KIF21B: variants seen among roughly 807,000 people sequenced by gnomAD.
KIF21B encodes the protein kinesin family member 21B.
Under a neutral mutation model 192.9 loss-of-function variants are expected in KIF21B, and 85 were observed. That is an observed-to-expected ratio of 0.44 (90% CI 0.37 to 0.53). The LOEUF is 0.53. KIF21B is among the 20% of genes least tolerant of loss of function. The pLI, the probability that KIF21B is intolerant of heterozygous loss-of-function variation, is 0.00. For synonymous variants in KIF21B, 832 were observed against 884.6 expected (o/e 0.94, Z 1.05); for missense variants, 1,716 against 2,194.8 (o/e 0.78, Z 4.36).
chr1:200,970,537 A>G lies in KIF21B; in HGVS notation c.*2984T>C, dbSNP rs1264189240. The G allele has an allele frequency of 6.6e-6, 1 of 152,464 alleles. No individual in the cohort carries two copies. Among genetic ancestry groups the G allele is most frequent in the Non-Finnish European group, 1.5e-5 (1 of 68,082 alleles). The allele number at this position is 152,464 out of a possible 1,614,324, so 9.4% of individuals were successfully genotyped here. Reference sequence around the variant, plus strand: ...TGCCTTTGAGAGTTCTGGCTGCTTCAGAAGAGTCCGCCACTCACGTGAAAG... The same window carrying G: ...TGCCTTTGAGAGTTCTGGCTGCTTCGGAAGAGTCCGCCACTCACGTGAAAG... On this transcript the variant is annotated 3_prime_UTR_variant, in exon 35 of 35. Transcript: ENST00000461742.
At chr1:200,997,144 CT>C (rs1427582380) in intron 14 of KIF21B, among the ~76,000 whole-genome samples, 2 of 152,216 alleles carry the variant, frequency 1.3e-5, no homozygotes, top group Non-Finnish European at 2.9e-5. Flanking sequence ...CCAGAGTAGT[CT>C]TTTAAAAATG....
At chr1:201,015,124 A>G (rs2102475826) in intron 1 of KIF21B, among the ~76,000 whole-genome samples, 1 of 152,346 alleles carries the variant, frequency 6.6e-6, no homozygotes, top group South Asian at 2.1e-4. Flanking sequence ...GAGAGCTCAG[A>G]GAGAAACCGA....
intron 9 of KIF21B, chr1:201,001,898 G>C (rs1657519789): frequency 4.0e-6 from 2 of 506,000 alleles, no homozygotes; most frequent in East Asian, 6.8e-5. Context: ...AGAGGGCTTG[G>C]GGTGGAGGGT....
chr1:200,985,831 CT>C (rs760489373), intron 26 of KIF21B, among the ~76,000 whole-genome samples: 43 of 106,428 alleles, frequency 4.0e-4, no homozygotes, highest in South Asian at 2.8e-3. Flanking sequence ...CTTCCCTTCC[CT>C]TTTTTTTTTT....
At position 200,982,874 on chromosome 1, in the gene KIF21B, CTG is replaced by C. The variant is rs1656032244; in HGVS notation, c.3842+180_3842+181del. Among the ~76,000 whole-genome samples, 1 of 152,116 alleles carries C rather than the reference CTG, an allele frequency of 6.6e-6. No individual in the cohort carries two copies. Among genetic ancestry groups the C allele is most frequent in the Admixed American group, 6.5e-5 (1 of 15,286 alleles). ...CGCAGTCCAAGGCCTTGTGGCCACC[CTG>C]AGAGAGAGGAACCATGGGGGCAGGA... is the stretch of plus-strand genomic sequence containing the variant. On this transcript the variant is annotated intron_variant, in intron 28 of 34. Coordinates refer to ENST00000461742, the MANE Select transcript of KIF21B (RefSeq NM_001252102.2). The surrounding 1 kb of genome is among the most constrained non-coding windows in gnomAD (Gnocchi z 4.7).
chr1:200,983,595 C>G (rs1016536847), intron 27 of KIF21B, among the ~76,000 whole-genome samples: 1 of 152,182 alleles, frequency 6.6e-6, no homozygotes, highest in Non-Finnish European at 1.5e-5. Context: ...AGGGGGCCCA[C>G]TGGGACAGTG....
At chr1:200,993,159 G>A (rs12140420) in intron 15 of KIF21B, among the ~76,000 whole-genome samples, 31,832 of 152,218 alleles carry the variant, frequency 0.21, 3,819 homozygotes, top group Non-Finnish European at 0.28. Flanking sequence ...TAGTGCGGCC[G>A]GAGGCGACCC....
Position 201,017,123 on chromosome 1 carries a change from G to T in KIF21B, c.41+6220C>A, listed in dbSNP as rs1165701822. Among the ~76,000 whole-genome samples, 2 of 152,152 alleles carry T rather than the reference G, an allele frequency of 1.3e-5. No homozygotes were observed. The highest frequency in any genetic ancestry group is 2.9e-5 in the Non-Finnish European group (2 of 68,018). On this transcript the variant is annotated intron_variant, in intron 1 of 34. Transcript: ENST00000461742. This position sits in a 1 kb window ranked among gnomAD's most constrained non-coding sequence, Gnocchi z 4.1. ...AGGGTCAGGCAGGCTAACAGGGGAG[G>T]GGGTGCCTGCCATGAGGCACCTTGA... is the stretch of plus-strand genomic sequence containing the variant.
At position 200,999,532 on chromosome 1, in the gene KIF21B, T is replaced by C. The variant is rs1657324392; in HGVS notation, c.1768-66A>G. ...AGGGGAGCCCAGAAGCAGAGGTGCA[T>C]CCCGACACAATGCCTCAGGTGTGTC... On this transcript the variant is annotated intron_variant, in intron 12 of 34. Transcript: ENST00000461742. This position sits in a 1 kb window ranked among gnomAD's most constrained non-coding sequence, Gnocchi z 4.7. 2 of 1,579,908 alleles carry C rather than the reference T, an allele frequency of 1.3e-6. No homozygotes were observed. The highest frequency in any genetic ancestry group is 2.2e-5 in the East Asian group (1 of 44,746).
Position 200,998,736 on chromosome 1 carries a change from G to C in KIF21B, c.1886-161C>G, listed in dbSNP as rs191808715. On this transcript the variant is annotated intron_variant, in intron 13 of 34. Coordinates refer to ENST00000461742, the MANE Select transcript of KIF21B (RefSeq NM_001252102.2). The surrounding 1 kb of genome is among the most constrained non-coding windows in gnomAD (Gnocchi z 4.3). ...ATAAATCCTAATGCAGGTAGAATGC[G>C]GCCAGAAGGAGGAACACATTTAAAG... Among the ~76,000 whole-genome samples, 2 of 152,080 alleles carry C rather than the reference G, an allele frequency of 1.3e-5. No individual in the cohort carries two copies. Among genetic ancestry groups the C allele is most frequent in the African/African-American group, 2.4e-5 (1 of 41,386 alleles).
chr1:200,998,444 G>A lies in KIF21B; in HGVS notation c.2017C>T (p.Leu673=), dbSNP rs778852665. Residue 673 remains leucine, a synonymous_variant, in exon 14 of 35, where the codon CTG becomes TTG. Transcript: ENST00000461742. The surrounding 1 kb of genome is among the most constrained non-coding windows in gnomAD (Gnocchi z 4.3). ...GTGTCTCGGATCTTGTTCTGCAGCAGAATCAGCTTTTCCTCATACTGGTGC... is the reference window on the plus strand; with the variant it reads ...GTGTCTCGGATCTTGTTCTGCAGCAAAATCAGCTTTTCCTCATACTGGTGC... ...LKHQYEEKLI[L]LQNKIRDTQL... The A allele has an allele frequency of 1.9e-6, 3 of 1,614,108 alleles. No homozygotes were observed. The Admixed American group carries it at 5.0e-5, about 27-fold the overall frequency.
chr1:200,977,115 G>A (rs1229281205), intron 31 of KIF21B, 97 bp downstream of exon 31: 3 of 1,419,638 alleles, frequency 2.1e-6, no homozygotes, highest in Non-Finnish European at 2.9e-6. Context: ...GTGTTGCTGA[G>A]GTCCTACCCA....
intron 29 of KIF21B, 93 bp from the exon 30 acceptor site, chr1:200,979,808 G>A (rs1331990120): frequency 4.6e-6 from 5 of 1,095,838 alleles, no homozygotes; most frequent in Admixed American, 2.9e-5. Context: ...CAGGATAGGG[G>A]AAAGGGATCC....
chr1:200,979,810 AAGGGATCCAC>A, intron 29 of KIF21B, 95 bp from the exon 30 acceptor site: 2 of 1,080,098 alleles, frequency 1.9e-6, no homozygotes, highest in Non-Finnish European at 2.6e-6. Flanking sequence ...GGATAGGGGA[AAGGGATCCAC>A]AGGGCTCCAG....
intron 7 of KIF21B, 79 bp from the exon 8 acceptor site, chr1:201,003,860 G>T: frequency 7.0e-7 from 1 of 1,430,030 alleles, no homozygotes; most frequent in Non-Finnish European, 9.8e-7. Context: ...TAGAGGTCCT[G>T]CTCCCATCCC....
rs1337381744 is a variant in KIF21B at position 200,987,150 on chromosome 1, C to T, written c.3460G>A (p.Gly1154Ser). The change falls in exon 25 of 35, where the codon GGC becomes AGC. Residue 1154 changes from glycine to serine, a missense_variant. Gly to Ser is a moderately conservative substitution (Grantham distance 56). Around this residue, in one of 3 missense-constraint regions of KIF21B, gnomAD observed 580 missense variants for 775.5 expected, o/e 0.75. Transcript: ENST00000461742. ...QMKAVSAECL[G>S]PPLDISTKNI... ...TTGGTGGAGATATCCAGTGGGGGGC[C>T]CAGGCACTCAGCCGACACAGCTTTC... 6 of 1,613,764 alleles carry T rather than the reference C, an allele frequency of 3.7e-6. No homozygotes were observed. The African/African-American group carries it at 8.0e-5, about 22-fold the overall frequency.
chr1:200,993,070 A>C (rs1281488419), intron 15 of KIF21B, among the ~76,000 whole-genome samples: 3 of 152,254 alleles, frequency 2.0e-5, no homozygotes, highest in Non-Finnish European at 4.4e-5. Flanking sequence ...GTGGTAGGTC[A>C]GCAAAGCTAA....
chr1:201,005,831 G>C, intron 3 of KIF21B, 137 bp from the exon 4 acceptor site: 1 of 898,276 alleles, frequency 1.1e-6, no homozygotes, highest in Non-Finnish European at 1.7e-6. Flanking sequence ...TGAATCCCAT[G>C]ACCTTTCTGC....
rs144022238 is a variant in KIF21B, at chr1:200,991,487, A to G, written c.2454+170T>C. Among the ~76,000 whole-genome samples, 268 of 152,360 alleles carry G rather than the reference A, an allele frequency of 1.8e-3. 2 individuals carry two copies. Among genetic ancestry groups the G allele is most frequent in the African/African-American group, 5.9e-3 (247 of 41,596 alleles). On this transcript the variant is annotated intron_variant, in intron 17 of 34. Transcript: ENST00000461742. The stretch of plus-strand genomic sequence containing the variant: ...AATGGAAGGAGGGAGAGCCAGGGCC[A>G]CAGGCAGGGCTTGCTTCCCCTCCCT...
Sources: gnomAD v4.1 joint callset for allele counts (sites outside exome capture counted in the v4.1 genomes callset) on GRCh38, gnomAD v4.1.1 for gene constraint, gnomAD v4.1.1 regional missense constraint, Gnocchi (gnomAD v3.1) non-coding constraint, MANE v1.5 for transcripts, NCBI Gene and HGNC (gene_info 2026-07-23, HGNC 2026-07-21) for gene names.